Variants in ADAMTS12 observed in about 807,000 individuals in gnomAD.
ADAMTS12 encodes the protein ADAM metallopeptidase with thrombospondin type 1 motif 12, also known as A disintegrin and metalloproteinase with thrombospondin motifs 12.
A neutral mutation model predicts 167.8 loss-of-function variants in ADAMTS12; 118 were observed. That is an observed-to-expected ratio of 0.70 (90% CI 0.61 to 0.82). ADAMTS12 has a LOEUF of 0.82. Among genes scored for constraint, ADAMTS12 ranks in the 40% least tolerant of loss-of-function variants. ADAMTS12 has a pLI of 0.00. For synonymous variants in ADAMTS12, 704 were observed against 716.9 expected (o/e 0.98, Z 0.29); for missense variants, 1,916 against 1,998.8 (o/e 0.96, Z 0.79).
At chr5:33,720,456 C>A (rs993404264) in intron 3 of ADAMTS12, among the ~76,000 whole-genome samples, 1 of 152,076 alleles carries the variant, frequency 6.6e-6, no homozygotes. Flanking sequence ...TAACCATCAA[C>A]AATAAATGCT....
intron 2 of ADAMTS12, among the ~76,000 whole-genome samples, chr5:33,799,627 G>A (rs1308781110): frequency 1.3e-5 from 2 of 152,230 alleles, no homozygotes; most frequent in African/African-American, 2.4e-5. Flanking sequence ...AGGGAACTAA[G>A]TAGAAAACCA....
Position 33,658,468 on chromosome 5 carries a change from G to A in ADAMTS12, c.1041-135C>T, listed in dbSNP as rs1741140681. On this transcript the variant is annotated intron_variant, in intron 6 of 23. Coordinates refer to ENST00000504830, the MANE Select transcript of ADAMTS12 (RefSeq NM_030955.4). ...TTGGCATTTTTTAAAAAGTCTACAT[G>A]AATGTAGGCAGCAATTTTGAATTCA... 5 of 958,366 alleles carry A rather than the reference G, an allele frequency of 5.2e-6. No individual in the cohort carries two copies. In the South Asian group the frequency reaches 6.5e-5, roughly 12 times the overall value. 59.4% of individuals were successfully genotyped at this position (958,366 alleles called of 1,614,324 possible).
chr5:33,700,369 A>C (rs1742955105), intron 3 of ADAMTS12, among the ~76,000 whole-genome samples: 1 of 152,228 alleles, frequency 6.6e-6, no homozygotes, highest in Admixed American at 6.5e-5. Context: ...CTCTTGATGG[A>C]CACAACAACT....
chr5:33,542,671 C>A (rs904069488), intron 22 of ADAMTS12, among the ~76,000 whole-genome samples: 1 of 152,184 alleles, frequency 6.6e-6, no homozygotes, highest in Non-Finnish European at 1.5e-5. Flanking sequence ...GTCTCTCAGA[C>A]CACAGTGCAA....
intron 22 of ADAMTS12, among the ~76,000 whole-genome samples, chr5:33,545,559 C>T (rs1347420356): frequency 6.6e-6 from 1 of 152,114 alleles, no homozygotes; most frequent in Non-Finnish European, 1.5e-5. Context: ...GACACATGCA[C>T]ATGTATGTTT....
At chr5:33,642,107 A>T (rs1424806114) in intron 10 of ADAMTS12, 152 bp from the exon 11 acceptor site, 1 of 761,604 alleles carries the variant, frequency 1.3e-6, no homozygotes, top group African/African-American at 1.7e-5. Flanking sequence ...GGCTCATATA[A>T]GTTTCTGCCA....
At chr5:33,713,334 A>G (rs1411093136) in intron 3 of ADAMTS12, among the ~76,000 whole-genome samples, 1 of 152,184 alleles carries the variant, frequency 6.6e-6, no homozygotes, top group Non-Finnish European at 1.5e-5. Context: ...GCAAAAACAG[A>G]ACCAAGTAAA....
intron 22 of ADAMTS12, among the ~76,000 whole-genome samples, chr5:33,543,554 C>T (rs750813305): frequency 2.0e-5 from 3 of 152,090 alleles, no homozygotes; most frequent in Non-Finnish European, 1.5e-5. Flanking sequence ...GGCAGAGACA[C>T]AACAAAAAAA....
chr5:33,868,030 G>A (rs895814104), intron 2 of ADAMTS12, among the ~76,000 whole-genome samples: 1 of 152,078 alleles, frequency 6.6e-6, no homozygotes, highest in African/African-American at 2.4e-5. Context: ...CTCTGGCCGT[G>A]TAATATATGC....
chr5:33,855,875 C>T (rs1820136), intron 2 of ADAMTS12, among the ~76,000 whole-genome samples: 51,547 of 151,902 alleles, frequency 0.34, 8,977 homozygotes, highest in African/African-American at 0.41. Context: ...TATAGGCAAG[C>T]GCCACCACAC....
At position 33,727,817 on chromosome 5, in the gene ADAMTS12, G is replaced by A. The variant is rs971040595; in HGVS notation, c.634+23587C>T. Among the ~76,000 whole-genome samples the A allele has an allele frequency of 1.3e-4, 20 of 151,976 alleles. 1 individual carries two copies. The highest frequency in any genetic ancestry group is 3.9e-4 in the African/African-American group (16 of 41,360). On this transcript the variant is annotated intron_variant, in intron 3 of 23. Coordinates refer to ENST00000504830, the MANE Select transcript of ADAMTS12 (RefSeq NM_030955.4). ...TCTGGTGCTTCATCCCACTAATTCC[G>A]TTCCTGGTATTTATCGGTTTGCCTG...
intron 2 of ADAMTS12, among the ~76,000 whole-genome samples, chr5:33,832,209 T>C (rs1181878479): frequency 1.3e-5 from 2 of 152,174 alleles, no homozygotes; most frequent in Non-Finnish European, 2.9e-5. Flanking sequence ...AAGTTGGTGA[T>C]TGAAATAATT....
chr5:33,734,536 A>G (rs1425798437), intron 3 of ADAMTS12, among the ~76,000 whole-genome samples: 3 of 152,240 alleles, frequency 2.0e-5, no homozygotes, highest in African/African-American at 7.2e-5. Context: ...CATGTTTTCC[A>G]CATTTAATTT....
intron 19 of ADAMTS12, among the ~76,000 whole-genome samples, chr5:33,573,602 G>A (rs1746507635): frequency 6.6e-6 from 1 of 152,038 alleles, no homozygotes; most frequent in Non-Finnish European, 1.5e-5. Flanking sequence ...AATTCAAGAT[G>A]GATTAAAGAC....
intron 19 of ADAMTS12, among the ~76,000 whole-genome samples, chr5:33,572,290 A>G (rs1364214172): frequency 6.6e-6 from 1 of 152,018 alleles, no homozygotes; most frequent in African/African-American, 2.4e-5. Context: ...GCAGAGACAC[A>G]ACAAAAAAAG....
chr5:33,880,604 C>T lies in ADAMTS12; in HGVS notation c.489+515G>A, dbSNP rs1440816803. On this transcript the variant is annotated intron_variant, in intron 2 of 23. Coordinates refer to ENST00000504830, the MANE Select transcript of ADAMTS12 (RefSeq NM_030955.4). ...TCCATGAGACAGGTACTACTATTATCTCCATTTTATAGATGAGAAAACAGA... is the reference window on the plus strand; with the variant it reads ...TCCATGAGACAGGTACTACTATTATTTCCATTTTATAGATGAGAAAACAGA... Among the ~76,000 whole-genome samples, 5 of 152,240 alleles carry T rather than the reference C, an allele frequency of 3.3e-5. No individual in the cohort carries two copies. The East Asian group carries it at 9.6e-4, about 29-fold the overall frequency.
At chr5:33,709,066 A>G (rs921752909) in intron 3 of ADAMTS12, among the ~76,000 whole-genome samples, 13 of 152,238 alleles carry the variant, frequency 8.5e-5, no homozygotes, top group Non-Finnish European at 1.2e-4. Flanking sequence ...ACACTTCTCA[A>G]AAGAAGACAT....
At chr5:33,630,985 G>A (rs896183125) in intron 12 of ADAMTS12, 72 bp from the exon 13 acceptor site, 32 of 1,564,264 alleles carry the variant, frequency 2.0e-5, no homozygotes, top group Admixed American at 5.2e-5. Flanking sequence ...GGATTCCTCC[G>A]TACTTAGGAC....
intron 5 of ADAMTS12, among the ~76,000 whole-genome samples, chr5:33,666,827 T>C (rs1741489259): frequency 6.6e-6 from 1 of 152,208 alleles, no homozygotes; most frequent in South Asian, 2.1e-4. Flanking sequence ...GCTTAAATTA[T>C]TGCTATTAGG....
Sources: gnomAD v4.1 joint callset for allele counts (sites outside exome capture counted in the v4.1 genomes callset) on GRCh38, gnomAD v4.1.1 for gene constraint, MANE v1.5 for transcripts, NCBI Gene and HGNC (gene_info 2026-07-23, HGNC 2026-07-21) for gene names.